NRG3: variants seen among roughly 807,000 people sequenced by gnomAD.
NRG3 encodes pro-neuregulin-3, membrane-bound isoform.
NRG3 carries 31 observed loss-of-function variants against 66.9 expected under a neutral mutation model. The ratio of observed to expected loss-of-function variants is 0.46; its 90% CI spans 0.35 to 0.63. NRG3 has a LOEUF of 0.63. Among genes scored for constraint, NRG3 ranks in the 20% least tolerant of loss-of-function variants. NRG3 has a pLI of 0.00. For missense variants in NRG3, 910 were observed against 878.9 expected (o/e 1.04, Z -0.45); for synonymous variants, 393 against 359.4 (o/e 1.09, Z -1.06).
intron 5 of NRG3, among the ~76,000 whole-genome samples, chr10:82,956,760 G>T (rs1315649735): frequency 2.0e-5 from 3 of 151,596 alleles, no homozygotes; most frequent in South Asian, 2.1e-4. Context: ...CCCCTTTTTT[G>T]TGTGTGCGAA....
chr10:82,805,146 A>G (rs753411094), intron 3 of NRG3, among the ~76,000 whole-genome samples: 10 of 152,176 alleles, frequency 6.6e-5, no homozygotes, highest in Non-Finnish European at 1.5e-4. Context: ...GGAGGTTCTG[A>G]ATTTCTAAGG....
chr10:82,719,151 T>TGTA (rs2057147015), intron 2 of NRG3, among the ~76,000 whole-genome samples: 1 of 152,134 alleles, frequency 6.6e-6, no homozygotes, highest in African/African-American at 2.4e-5. Flanking sequence ...AATGGGAGTG[T>TGTA]GTATACCTGT....
At chr10:82,260,657 CAGAG>C (rs1362034759) in intron 1 of NRG3, among the ~76,000 whole-genome samples, 9 of 152,084 alleles carry the variant, frequency 5.9e-5, no homozygotes, top group Non-Finnish European at 1.2e-4. Flanking sequence ...TGACTGGTGA[CAGAG>C]AGACCATTTT....
At chr10:82,528,046 G>C (rs1414823390) in intron 2 of NRG3, among the ~76,000 whole-genome samples, 1 of 152,082 alleles carries the variant, frequency 6.6e-6, no homozygotes, top group Non-Finnish European at 1.5e-5. Context: ...CTTTCCCCCA[G>C]CCTTCCTTCC....
intron 1 of NRG3, among the ~76,000 whole-genome samples, chr10:82,261,497 G>A (rs916128235): frequency 6.6e-6 from 1 of 152,144 alleles, no homozygotes. Context: ...TAACCCAGCG[G>A]CGCTAGAGGA....
At chr10:82,769,212 C>G (rs2059624969) in intron 3 of NRG3, among the ~76,000 whole-genome samples, 1 of 152,066 alleles carries the variant, frequency 6.6e-6, no homozygotes, top group Non-Finnish European at 1.5e-5. Flanking sequence ...TACATAACAA[C>G]TAGGATATTA....
intron 3 of NRG3, among the ~76,000 whole-genome samples, chr10:82,799,022 T>A (rs2135421688): frequency 6.6e-6 from 1 of 152,298 alleles, no homozygotes; most frequent in African/African-American, 2.4e-5. Context: ...ATAGTGGAAT[T>A]CAATGATATA....
chr10:82,034,939 G>A (rs912499119), intron 1 of NRG3, among the ~76,000 whole-genome samples: 1 of 152,014 alleles, frequency 6.6e-6, no homozygotes, highest in African/African-American at 2.4e-5. Context: ...TCTCAGAGGT[G>A]TTGCCTCATT....
chr10:82,665,696 C>T (rs772859745), intron 2 of NRG3, among the ~76,000 whole-genome samples: 5 of 152,142 alleles, frequency 3.3e-5, no homozygotes, highest in Non-Finnish European at 7.3e-5. Context: ...CCCATCAATT[C>T]AGGAACTTCA....
intron 2 of NRG3, among the ~76,000 whole-genome samples, chr10:82,529,213 A>C (rs928689316): frequency 2.0e-5 from 3 of 152,170 alleles, no homozygotes; most frequent in Non-Finnish European, 4.4e-5. Flanking sequence ...GCGACTAAGG[A>C]CTGCTAACTC....
chr10:82,885,488 G>A (rs1380542496), intron 4 of NRG3, among the ~76,000 whole-genome samples: 2 of 152,164 alleles, frequency 1.3e-5, no homozygotes, highest in African/African-American at 4.8e-5. Flanking sequence ...ATAACAAGTT[G>A]CAATTTCTGC....
intron 3 of NRG3, among the ~76,000 whole-genome samples, chr10:82,829,235 CAGA>C (rs1350620743): frequency 1.3e-5 from 2 of 152,104 alleles, no homozygotes; most frequent in African/African-American, 4.8e-5. Flanking sequence ...GAGCACAGTG[CAGA>C]AGGAGAGAGT....
intron 2 of NRG3, among the ~76,000 whole-genome samples, chr10:82,389,513 G>A (rs1278066720): frequency 7.9e-5 from 12 of 152,052 alleles, no homozygotes; most frequent in African/African-American, 2.7e-4. Context: ...TAAGCAACAA[G>A]TATCCCACAT....
chr10:81,916,897 G>A (rs575745883), intron 1 of NRG3, among the ~76,000 whole-genome samples: 3 of 152,040 alleles, frequency 2.0e-5, no homozygotes, highest in Non-Finnish European at 4.4e-5. Flanking sequence ...CATGAAATAG[G>A]CACTATTATT....
At chr10:82,534,638 C>CA (rs1401577000) in intron 2 of NRG3, among the ~76,000 whole-genome samples, 1 of 151,980 alleles carries the variant, frequency 6.6e-6, no homozygotes, top group Non-Finnish European at 1.5e-5. Context: ...GAAAAAAGAA[C>CA]AAAGCCAGAG....
chr10:82,405,422 G>A (rs2087434777), intron 2 of NRG3, among the ~76,000 whole-genome samples: 2 of 149,742 alleles, frequency 1.3e-5, no homozygotes, highest in South Asian at 4.2e-4. Context: ...GTTCATGAAA[G>A]TACCTTTTCT....
In NRG3 at chr10:82,231,140, C is replaced by T. The variant is rs942133600; in HGVS notation, c.824-127599C>T. ...GGTGGATCACCTAAGGTCAGGAGTT[C>T]GAGACCAGCCTGGCCAATATGGTGA... On this transcript the variant is annotated intron_variant, in intron 1 of 8. Coordinates refer to ENST00000372141, the MANE Select transcript of NRG3 (RefSeq NM_001010848.4). Among the ~76,000 whole-genome samples, 6 of 152,046 alleles carry T rather than the reference C, an allele frequency of 3.9e-5. No homozygotes were observed. In the South Asian group the frequency reaches 6.2e-4, roughly 16 times the overall value.
chr10:82,398,471 T>A lies in NRG3; in HGVS notation c.953+39603T>A, dbSNP rs540986052. On this transcript the variant is annotated intron_variant, in intron 2 of 8. Coordinates refer to ENST00000372141, the MANE Select transcript of NRG3 (RefSeq NM_001010848.4). ...AACTTTGGTTCCAACTGGGATCTTC[T>A]AGTCATCTTGGCTTCGTGTATGTGT... Among the ~76,000 whole-genome samples, 3 of 151,596 alleles carry A rather than the reference T, an allele frequency of 2.0e-5. No individual in the cohort carries two copies. The South Asian group carries it at 6.3e-4, about 32-fold the overall frequency.
At chr10:82,768,774 T>G (rs542661507) in intron 3 of NRG3, among the ~76,000 whole-genome samples, 183 of 152,146 alleles carry the variant, frequency 1.2e-3, no homozygotes, top group Non-Finnish European at 2.1e-3. Context: ...TCTAGCTTCT[T>G]AAGTTGTTTA....
Sources: allele counts gnomAD v4.1 joint callset (sites outside exome capture counted in the v4.1 genomes callset), GRCh38; gene constraint gnomAD v4.1.1; transcripts MANE v1.5; gene names NCBI Gene and HGNC (gene_info 2026-07-23, HGNC 2026-07-21).